Variants in LRRC7 observed in about 807,000 individuals in gnomAD.
The protein encoded by LRRC7 is leucine rich repeat containing 7.
LRRC7 carries 23 observed loss-of-function variants against 175.7 expected under a neutral mutation model. That is an observed-to-expected ratio of 0.13 (90% CI 0.09 to 0.19). The LOEUF is 0.19. Among genes scored for constraint, LRRC7 ranks in the 10% least tolerant of loss-of-function variants. LRRC7 has a pLI of 1.00. For synonymous variants in LRRC7, 685 were observed against 680.9 expected (o/e 1.01, Z -0.09); for missense variants, 1,354 against 1,904.7 (o/e 0.71, Z 5.38).
intron 8 of LRRC7, among the ~76,000 whole-genome samples, chr1:69,934,110 A>G (rs1223488067): frequency 1.3e-5 from 2 of 152,158 alleles, no homozygotes; most frequent in Admixed American, 6.5e-5. Context: ...ATGAGAAAAT[A>G]AGAGATTTTG....
At chr1:69,619,409 AC>A (rs1650204716) in intron 1 of LRRC7, among the ~76,000 whole-genome samples, 1 of 152,144 alleles carries the variant, frequency 6.6e-6, no homozygotes, top group South Asian at 2.1e-4. Context: ...ACCGGTTTCT[AC>A]TAAGAATGTC....
rs150259743 is a variant in LRRC7, at chr1:69,948,911, A to G, written c.711+17341A>G. ...ACTGCCTCCTTCTATATCTGACTCT[A>G]TTACTCATATTAGAAGTCAGTGGGA... On this transcript the variant is annotated intron_variant, in intron 8 of 26. Coordinates refer to ENST00000651989, the MANE Select transcript of LRRC7 (RefSeq NM_001370785.2). 2.4e-4 allele frequency among the ~76,000 whole-genome samples: 37 copies of G among 152,246 alleles called. No individual in the cohort carries two copies. The Middle Eastern group carries it at 0.01, about 42-fold the overall frequency.
At chr1:69,760,569 T>A (rs1467487970) in intron 3 of LRRC7, among the ~76,000 whole-genome samples, 176 bp downstream of exon 3, 1 of 152,038 alleles carries the variant, frequency 6.6e-6, no homozygotes, top group Non-Finnish European at 1.5e-5. Context: ...CCATTTATGA[T>A]TTCACGGGCC....
intron 7 of LRRC7, chr1:69,919,685 T>A: frequency 1.0e-6 from 1 of 965,818 alleles, no homozygotes; most frequent in Admixed American, 1.8e-5. Flanking sequence ...ATTCAGCGAC[T>A]GCAGCTCGGC....
rs1666856204 is a variant in LRRC7 at position 70,136,056 on chromosome 1, T to C, written c.*14169T>C. ...GGGAATTAATATCTCTCTCTCTCTG[T>C]GTGTGTCTGTGTGTGTGTCTGTGTG... is the stretch of plus-strand genomic sequence containing the variant. On this transcript the variant is annotated 3_prime_UTR_variant, in exon 27 of 27. Coordinates refer to ENST00000651989, the MANE Select transcript of LRRC7 (RefSeq NM_001370785.2). Among the ~76,000 whole-genome samples the C allele has an allele frequency of 1.1e-5, 1 of 90,640 alleles. No individual in the cohort carries two copies. Among genetic ancestry groups the C allele is most frequent in the East Asian group, 3.2e-4 (1 of 3,088 alleles). 59.5% of individuals were successfully genotyped at this position (90,640 alleles called of 152,430 possible). A position where few individuals can be genotyped will look rare whatever the true frequency, so the allele number is the denominator to read the frequency against.
chr1:70,040,479 T>G (rs1659782459), intron 21 of LRRC7, among the ~76,000 whole-genome samples: 1 of 152,126 alleles, frequency 6.6e-6, no homozygotes, highest in Non-Finnish European at 1.5e-5. Context: ...AAAAAATTAG[T>G]ATGTATATTG....
chr1:69,688,970 TG>T (rs1661520340), intron 2 of LRRC7, among the ~76,000 whole-genome samples: 1 of 152,170 alleles, frequency 6.6e-6, no homozygotes, highest in Non-Finnish European at 1.5e-5. Context: ...GGTTGTGAAT[TG>T]GAGCAAAGGA....
At chr1:69,630,748 ATAT>A (rs1652361098) in intron 1 of LRRC7, among the ~76,000 whole-genome samples, 1 of 151,878 alleles carries the variant, frequency 6.6e-6, no homozygotes, top group African/African-American at 2.4e-5. Context: ...TTGTGAATAA[ATAT>A]TATAATTTTT....
rs185110631 is a variant in LRRC7, at chr1:69,673,020, C to T, written c.3-5361C>T. Among the ~76,000 whole-genome samples the T allele has an allele frequency of 1.8e-3, 268 of 152,284 alleles. 1 individual carries two copies. Among genetic ancestry groups the T allele is most frequent in the African/African-American group, 6.2e-3 (256 of 41,546 alleles). ...GGCCCTACATATCTGTGTTAATAGA[C>T]AACTTTATCACCTGAATGAATTCAA... On this transcript the variant is annotated intron_variant, in intron 1 of 26. Transcript: ENST00000651989.
chr1:69,873,036 T>G (rs1036534015), intron 7 of LRRC7, among the ~76,000 whole-genome samples: 10 of 152,174 alleles, frequency 6.6e-5, no homozygotes, highest in African/African-American at 2.4e-4. Flanking sequence ...AATATCAATG[T>G]GTCCATTTCT....
chr1:69,972,454 A>G (rs544770824), intron 8 of LRRC7, among the ~76,000 whole-genome samples: 1 of 152,362 alleles, frequency 6.6e-6, no homozygotes, highest in South Asian at 2.1e-4. Flanking sequence ...AAAGTGGGCT[A>G]AGGACATGAA....
intron 1 of LRRC7, among the ~76,000 whole-genome samples, chr1:69,614,213 C>A (rs1203640450): frequency 6.6e-6 from 1 of 151,980 alleles, no homozygotes; most frequent in Non-Finnish European, 1.5e-5. Flanking sequence ...TTGCCAGGAG[C>A]ATTTGTTAAT....
intron 7 of LRRC7, among the ~76,000 whole-genome samples, chr1:69,872,577 A>T (rs961121602): frequency 6.6e-6 from 1 of 152,044 alleles, no homozygotes; most frequent in African/African-American, 2.4e-5. Context: ...GATGATAAAT[A>T]TTTTTATAAA....
chr1:69,889,773 T>C (rs1293490971), intron 7 of LRRC7, among the ~76,000 whole-genome samples: 1 of 151,894 alleles, frequency 6.6e-6, no homozygotes, highest in Non-Finnish European at 1.5e-5. Context: ...TGCCACTCAC[T>C]CCAGCCTGGA....
Position 70,125,699 on chromosome 1 carries a change from G to A in LRRC7, c.*3812G>A, listed in dbSNP as rs1208087433. On this transcript the variant is annotated 3_prime_UTR_variant, in exon 27 of 27. Transcript: ENST00000651989. ...CCCAGCTACTTGGGAGGCTGAGGCA[G>A]GAGAATGGCGTGAACCCAGGAGGCG... Among the ~76,000 whole-genome samples the A allele has an allele frequency of 1.4e-5, 2 of 146,200 alleles. No individual in the cohort carries two copies. Among genetic ancestry groups the A allele is most frequent in the Middle Eastern group, 3.5e-3 (1 of 282 alleles).
rs746470516 is a variant in LRRC7 at position 70,143,967 on chromosome 1, G to A, written c.*22080G>A. 1 of 152,094 alleles carries A rather than the reference G, an allele frequency of 6.6e-6. No homozygotes were observed. Among genetic ancestry groups the A allele is most frequent in the African/African-American group, 2.4e-5 (1 of 41,424 alleles). 9.4% of individuals were successfully genotyped at this position (152,094 alleles called of 1,614,324 possible). A position where few individuals can be genotyped will look rare whatever the true frequency, so the allele number is the denominator to read the frequency against. On this transcript the variant is annotated 3_prime_UTR_variant, in exon 27 of 27. Coordinates refer to ENST00000651989, the MANE Select transcript of LRRC7 (RefSeq NM_001370785.2). The stretch of plus-strand genomic sequence containing the variant: ...ATTTACTACTTTATTAACATAGATC[G>A]TGAATGTACTTACTGGTTTTTTTGC...
intron 3 of LRRC7, among the ~76,000 whole-genome samples, chr1:69,775,959 C>T (rs999962890): frequency 1.3e-5 from 2 of 152,076 alleles, no homozygotes; most frequent in Admixed American, 6.6e-5. Context: ...TGCCTCCTAG[C>T]CAGCATTATT....
intron 2 of LRRC7, among the ~76,000 whole-genome samples, chr1:69,687,006 A>G (rs1661230248): frequency 6.6e-6 from 1 of 152,180 alleles, no homozygotes; most frequent in Admixed American, 6.5e-5. Context: ...TACAAGGGAT[A>G]AAAAAGGTCA....
At chr1:70,023,421 C>A in intron 17 of LRRC7, 47 bp downstream of exon 17, 2 of 1,486,392 alleles carry the variant, frequency 1.3e-6, no homozygotes, top group Admixed American at 2.0e-5. Context: ...GTAGAGGCAA[C>A]CTTGGAACAG....
Sources: allele counts gnomAD v4.1 joint callset (sites outside exome capture counted in the v4.1 genomes callset), GRCh38; gene constraint gnomAD v4.1.1; transcripts MANE v1.5; gene names NCBI Gene and HGNC (gene_info 2026-07-23, HGNC 2026-07-21).